The following PHTF2 variants were observed in gnomAD, a reference collection of about 807,000 sequenced individuals.
The protein encoded by PHTF2 is putative homeodomain transcription factor 2, also known as protein PHTF2.
Under a neutral mutation model 101.2 loss-of-function variants are expected in PHTF2, and 60 were observed. The ratio of observed to expected loss-of-function variants is 0.59; its 90% CI spans 0.48 to 0.73. The LOEUF is 0.73. Ranked by LOEUF, PHTF2 falls within the 30% of genes least tolerant of loss-of-function variation. The probability of loss-of-function intolerance (pLI) is 0.00; values close to 1 mark genes in which losing one functional copy is unlikely to be tolerated. For missense variants in PHTF2, 747 were observed against 908.7 expected (o/e 0.82, Z 2.29); for synonymous variants, 311 against 307.3 (o/e 1.01, Z -0.13).
chr7:77,854,404 A>G (rs1331915359), intron 2 of PHTF2, among the ~76,000 whole-genome samples: 1 of 152,174 alleles, frequency 6.6e-6, no homozygotes, highest in Non-Finnish European at 1.5e-5. Flanking sequence ...ACCTGAAGCC[A>G]ATATGGCACT....
intron 2 of PHTF2, among the ~76,000 whole-genome samples, chr7:77,843,339 G>T (rs1796031393): frequency 6.6e-6 from 1 of 152,100 alleles, no homozygotes; most frequent in Non-Finnish European, 1.5e-5. Flanking sequence ...TGATGAAATT[G>T]TAACACTTCT....
intron 3 of PHTF2, among the ~76,000 whole-genome samples, chr7:77,864,491 C>A (rs180997847): frequency 1.3e-5 from 2 of 152,356 alleles, no homozygotes; most frequent in Admixed American, 1.3e-4. Flanking sequence ...TTTGTAGCCT[C>A]ATTGCCTACC....
intron 3 of PHTF2, among the ~76,000 whole-genome samples, chr7:77,892,682 CTG>C (rs1434503460): frequency 6.6e-5 from 10 of 152,294 alleles, no homozygotes; most frequent in African/African-American, 2.4e-4. Context: ...TAAGTGGAAA[CTG>C]GAGACAGCAG....
At chr7:77,900,840 C>CA in intron 6 of PHTF2, 60 bp downstream of exon 5, 1 of 872,814 alleles carries the variant, frequency 1.1e-6, no homozygotes, top group Non-Finnish European at 1.9e-6. Context: ...AAACAGAATT[C>CA]AAAATAGGTT....
chr7:77,826,904 A>G (rs1338821003), intron 1 of PHTF2, among the ~76,000 whole-genome samples: 1 of 152,206 alleles, frequency 6.6e-6, no homozygotes, highest in Non-Finnish European at 1.5e-5. Context: ...AGTCAACCTC[A>G]AATGAAACAA....
At chr7:77,831,574 G>A (rs565116705) in intron 1 of PHTF2, among the ~76,000 whole-genome samples, 1 of 152,318 alleles carries the variant, frequency 6.6e-6, no homozygotes, top group South Asian at 2.1e-4. Flanking sequence ...TGACAACAAG[G>A]CAGTAATGCT....
chr7:77,856,438 C>T (rs1003942109), intron 3 of PHTF2, among the ~76,000 whole-genome samples: 3 of 152,050 alleles, frequency 2.0e-5, no homozygotes, highest in African/African-American at 7.2e-5. Context: ...TCACTGTAAC[C>T]TAGAACTTCT....
chr7:77,830,498 C>T (rs915242072), intron 1 of PHTF2, among the ~76,000 whole-genome samples: 4 of 152,284 alleles, frequency 2.6e-5, no homozygotes, highest in Middle Eastern at 6.8e-3. Flanking sequence ...AGCTCTGCCT[C>T]CTGTCAGATC....
chr7:77,943,436 A>AT (rs1243786303), intron 16 of PHTF2, among the ~76,000 whole-genome samples: 4 of 151,922 alleles, frequency 2.6e-5, no homozygotes, highest in East Asian at 1.9e-4. Context: ...CTATTCTTTC[A>AT]TTTTTTATAC....
chr7:77,881,364 C>T (rs1799395965), intron 3 of PHTF2, among the ~76,000 whole-genome samples: 1 of 152,014 alleles, frequency 6.6e-6, no homozygotes, highest in African/African-American at 2.4e-5. Flanking sequence ...TGTTCTTGGT[C>T]TCCTTAATGT....
intron 5 of PHTF2, among the ~76,000 whole-genome samples, chr7:77,898,887 C>T (rs1801119556): frequency 6.6e-6 from 1 of 152,118 alleles, no homozygotes. Flanking sequence ...CAACCTCCAA[C>T]CCCTGGGTTC....
At chr7:77,910,033 A>G in intron 8 of PHTF2, 2 of 411,562 alleles carry the variant, frequency 4.9e-6, no homozygotes, top group Non-Finnish European at 8.6e-6. Context: ...ACCTGCCACT[A>G]TAAGCAAGGA....
intron 1 of PHTF2, among the ~76,000 whole-genome samples, chr7:77,804,398 T>C (rs1792808781): frequency 6.6e-6 from 1 of 152,246 alleles, no homozygotes; most frequent in African/African-American, 2.4e-5. Flanking sequence ...CGATCTTGGC[T>C]CATTGCAACC....
chr7:77,875,711 C>A (rs1386824207), intron 3 of PHTF2, among the ~76,000 whole-genome samples: 1 of 152,008 alleles, frequency 6.6e-6, no homozygotes, highest in Non-Finnish European at 1.5e-5. Flanking sequence ...GCGCCTGCCA[C>A]CACGCCTGGC....
chr7:77,919,333 C>A (rs1220205912), intron 9 of PHTF2, among the ~76,000 whole-genome samples: 1 of 152,108 alleles, frequency 6.6e-6, no homozygotes, highest in African/African-American at 2.4e-5. Flanking sequence ...TTTGACCTAA[C>A]TGAAGGCAAT....
intron 1 of PHTF2, among the ~76,000 whole-genome samples, chr7:77,838,914 C>A (rs1223227674): frequency 6.6e-6 from 1 of 152,098 alleles, no homozygotes; most frequent in East Asian, 1.9e-4. Context: ...ATAAATTCTG[C>A]TTTAAATTTT....
intron 3 of PHTF2, among the ~76,000 whole-genome samples, chr7:77,870,794 T>C (rs1798453515): frequency 6.6e-6 from 1 of 152,158 alleles, no homozygotes; most frequent in African/African-American, 2.4e-5. Context: ...AAGCCTAACA[T>C]AACACAGCTA....
intron 3 of PHTF2, among the ~76,000 whole-genome samples, chr7:77,877,530 A>T (rs1320065852): frequency 6.6e-6 from 1 of 152,270 alleles, no homozygotes; most frequent in Non-Finnish European, 1.5e-5. Context: ...TATTAATCAC[A>T]TAGTAGCTTG....
intron 5 of PHTF2, among the ~76,000 whole-genome samples, chr7:77,899,856 A>G (rs957639704): frequency 2.0e-5 from 3 of 152,166 alleles, no homozygotes; most frequent in Non-Finnish European, 1.5e-5. Flanking sequence ...TGGCTCCTGA[A>G]GAGTTTAGCT....
Sources: gnomAD v4.1 joint callset for allele counts (sites outside exome capture counted in the v4.1 genomes callset) on GRCh38, gnomAD v4.1.1 for gene constraint, MANE v1.5 for transcripts, NCBI Gene and HGNC (gene_info 2026-07-23, HGNC 2026-07-21) for gene names.